The following PRC1 variants were observed in gnomAD, a reference collection of about 807,000 sequenced individuals.
PRC1 encodes the protein anaphase spindle elongation 1 homolog.
Under a neutral mutation model 91.2 loss-of-function variants are expected in PRC1, and 54 were observed. The ratio of observed to expected loss-of-function variants is 0.59; its 90% CI spans 0.48 to 0.74. The LOEUF (loss-of-function observed/expected upper bound fraction) is 0.74. Among genes scored for constraint, PRC1 ranks in the 30% least tolerant of loss-of-function variants. PRC1 has a pLI of 0.00. For missense variants in PRC1, 727 were observed against 746.2 expected, an observed-to-expected ratio of 0.97 and a Z score of 0.30; for synonymous variants, 275 against 263.6, an observed-to-expected ratio of 1.04 and a Z score of -0.42.
Position 90,974,469 on chromosome 15 carries a change from C to G in PRC1, c.1350+116G>C. Reference sequence around the variant, plus strand: ...AGCCCCGGTCCCCGGCTTCCCGTTCCACAAGCCCCGGTCCCCGGCTCCCTG... The same window carrying G: ...AGCCCCGGTCCCCGGCTTCCCGTTCGACAAGCCCCGGTCCCCGGCTCCCTG... On this transcript the variant is annotated intron_variant, in intron 10 of 14. Transcript: ENST00000394249. The surrounding 1 kb of genome is among the most constrained non-coding windows in gnomAD (Gnocchi z 4.6). 6.8e-7 allele frequency: 1 copy of G among 1,461,136 alleles called. No individual in the cohort carries two copies. The highest frequency in any genetic ancestry group is 2.3e-5 in the East Asian group (1 of 43,908). 90.5% of individuals were successfully genotyped at this position (1,461,136 alleles called of 1,614,324 possible).
At position 90,974,257 on chromosome 15, in the gene PRC1, G is replaced by C; in HGVS notation, c.1351-11C>G. On this transcript the variant is annotated splice_polypyrimidine_tract_variant and intron_variant, in intron 10 of 14. Coordinates refer to ENST00000394249, the MANE Select transcript of PRC1 (RefSeq NM_003981.4). This position sits in a 1 kb window ranked among gnomAD's most constrained non-coding sequence, Gnocchi z 4.6. Reference sequence around the variant, plus strand: ...TTTGTTCTTCAGTTGCTGTGTGAAAGTCAGAAGCAACAGTGATAAATCTCA... The same window carrying C: ...TTTGTTCTTCAGTTGCTGTGTGAAACTCAGAAGCAACAGTGATAAATCTCA... 1 of 1,601,514 alleles carries C rather than the reference G, an allele frequency of 6.2e-7. No individual in the cohort carries two copies. The highest frequency in any genetic ancestry group is 1.3e-5 in the African/African-American group (1 of 74,780).
intron 11 of PRC1, among the ~76,000 whole-genome samples, chr15:90,973,542 G>A (rs140720170): frequency 9.6e-4 from 146 of 152,066 alleles, no homozygotes; most frequent in African/African-American, 3.4e-3. Flanking sequence ...AGGAGGATTC[G>A]TAAAAGAGGA....
intron 1 of PRC1, among the ~76,000 whole-genome samples, chr15:90,985,169 C>A (rs2151575195): frequency 6.6e-6 from 1 of 151,874 alleles, no homozygotes; most frequent in Non-Finnish European, 1.5e-5. Context: ...CAAGAACTTG[C>A]TGGTGAGAAA....
intron 12 of PRC1, 81 bp downstream of exon 12, chr15:90,970,323 T>TC (rs1463397670): frequency 6.8e-6 from 7 of 1,031,748 alleles, no homozygotes; most frequent in Non-Finnish European, 1.0e-5. Flanking sequence ...GATCTTAGAA[T>TC]CTAGAACAAG....
At chr15:90,990,736 AT>A (rs2039930547) in intron 1 of PRC1, among the ~76,000 whole-genome samples, 1 of 152,162 alleles carries the variant, frequency 6.6e-6, no homozygotes, top group South Asian at 2.1e-4. Context: ...CAAAGCTGTT[AT>A]TAAAAACATC....
chr15:90,980,927 A>G lies in PRC1; in HGVS notation c.779T>C (p.Val260Ala). 3 of 1,614,166 alleles carry G rather than the reference A, an allele frequency of 1.9e-6. No individual in the cohort carries two copies. Among genetic ancestry groups the G allele is most frequent in the Non-Finnish European group, 2.5e-6 (3 of 1,180,026 alleles). ...CTTTGACCCAGACATAATGGTGGCC[A>G]CAGCTTCTCTTTCTTCTTCAGGTAT... is the stretch of plus-strand genomic sequence containing the variant. ...LQIPEEEREA[V>A]ATIMSGSKAK... is the part of the protein sequence containing the mutation. The change falls in exon 6 of 15, where the codon GTG becomes GCG. Residue 260 changes from valine to alanine, a missense_variant. By Grantham distance (64) the Val-to-Ala change is moderately conservative. Coordinates refer to ENST00000394249, the MANE Select transcript of PRC1 (RefSeq NM_003981.4).
rs2037540235 is a variant in PRC1 at position 90,966,892 on chromosome 15, G to C, written c.*239C>G. The C allele has an allele frequency of 1.8e-6, 1 of 556,056 alleles. No individual in the cohort carries two copies. Among genetic ancestry groups the C allele is most frequent in the African/African-American group, 1.9e-5 (1 of 52,866 alleles). 34.4% of individuals were successfully genotyped at this position (556,056 alleles called of 1,614,324 possible). A position where few individuals can be genotyped will look rare whatever the true frequency, so the allele number is the denominator to read the frequency against. ...AGTCAGGCCCCATATGCTAAAATTT[G>C]CACTTCTTGCCATAAACTTTTCATG... On this transcript the variant is annotated 3_prime_UTR_variant, in exon 15 of 15. Transcript: ENST00000394249.
chr15:90,977,090 G>A (rs1346964669), intron 8 of PRC1: 4 of 144,444 alleles, frequency 2.8e-5, no homozygotes, highest in African/African-American at 8.3e-5. Context: ...GCGCCACCGT[G>A]CTCCACCCCG....
Position 90,966,319 on chromosome 15 carries a change from T to G in PRC1, c.*812A>C, listed in dbSNP as rs1302302025. On this transcript the variant is annotated 3_prime_UTR_variant, in exon 15 of 15. Transcript: ENST00000394249. ...CAGGAACACCTCCCCAGTAGTGACA[T>G]GTGCAAAGTTCCAGATCTCCACGAC... The G allele has an allele frequency of 1.8e-5, 5 of 278,646 alleles. No homozygotes were observed. The highest frequency in any genetic ancestry group is 1.3e-4 in the South Asian group (4 of 31,278). 17.3% of individuals were successfully genotyped at this position (278,646 alleles called of 1,614,324 possible).
At chr15:90,989,990 G>A (rs560264419) in intron 1 of PRC1, among the ~76,000 whole-genome samples, 21 of 151,964 alleles carry the variant, frequency 1.4e-4, no homozygotes, top group South Asian at 6.2e-4. Flanking sequence ...CTGAGCCTCC[G>A]GAGTAGCTGG....
At chr15:90,978,187 T>C (rs905924781) in intron 8 of PRC1, among the ~76,000 whole-genome samples, 4 of 152,196 alleles carry the variant, frequency 2.6e-5, no homozygotes, top group African/African-American at 9.7e-5. Flanking sequence ...CCATGTTGCC[T>C]ATCAGAAGAA....
intron 1 of PRC1, among the ~76,000 whole-genome samples, chr15:90,985,253 C>T (rs920118203): frequency 6.6e-6 from 1 of 150,530 alleles, no homozygotes; most frequent in Non-Finnish European, 1.5e-5. Context: ...TTTTTTGAGA[C>T]AGCATCTTGC....
chr15:90,971,964 G>A (rs1049416396), intron 11 of PRC1, among the ~76,000 whole-genome samples: 3 of 151,952 alleles, frequency 2.0e-5, no homozygotes, highest in Non-Finnish European at 2.9e-5. Context: ...GGAGGTGTAG[G>A]TTGCAGTGAG....
At chr15:90,987,916 T>C (rs1421770059) in intron 1 of PRC1, 1 of 152,182 alleles carries the variant, frequency 6.6e-6, no homozygotes, top group East Asian at 1.9e-4. Flanking sequence ...AGTTTAGAGG[T>C]TGCCCGTCCT....
At chr15:90,989,981 T>C (rs1410985106) in intron 1 of PRC1, among the ~76,000 whole-genome samples, 2 of 152,224 alleles carry the variant, frequency 1.3e-5, no homozygotes, top group East Asian at 3.9e-4. Flanking sequence ...TCCTCCCACC[T>C]GAGCCTCCGG....
chr15:90,977,740 T>G (rs1376903695), intron 8 of PRC1, among the ~76,000 whole-genome samples: 1 of 151,958 alleles, frequency 6.6e-6, no homozygotes, highest in Non-Finnish European at 1.5e-5. Context: ...CCCGCCACCA[T>G]GCCCGGCTAA....
chr15:90,967,119 G>C lies in PRC1; in HGVS notation c.*12C>G. 3 of 1,610,708 alleles carry C rather than the reference G, an allele frequency of 1.9e-6. No homozygotes were observed. Among genetic ancestry groups the C allele is most frequent in the Non-Finnish European group, 2.5e-6 (3 of 1,176,834 alleles). On this transcript the variant is annotated 3_prime_UTR_variant, in exon 15 of 15. Coordinates refer to ENST00000394249, the MANE Select transcript of PRC1 (RefSeq NM_003981.4). ...CACAGGAAGCCACAGCTGGTTGACT[G>C]ATCAGGGCTTCTCAGGACTGGATGT...
chr15:90,984,949 A>C lies in PRC1; in HGVS notation c.12-124T>G, dbSNP rs1407964896. ...CTCGAGAAAAAAACAAATTGAAAACAAGCATTCAGCTTAATTCACCTTTAA... is the reference window on the plus strand; with the variant it reads ...CTCGAGAAAAAAACAAATTGAAAACCAGCATTCAGCTTAATTCACCTTTAA... On this transcript the variant is annotated intron_variant, in intron 1 of 14. Transcript: ENST00000394249. This position sits in a 1 kb window ranked among gnomAD's most constrained non-coding sequence, Gnocchi z 5.1. 8.1e-7 allele frequency: 1 copy of C among 1,240,824 alleles called. No individual in the cohort carries two copies. The highest frequency in any genetic ancestry group is 1.1e-6 in the Non-Finnish European group (1 of 893,938). 76.9% of individuals were successfully genotyped at this position (1,240,824 alleles called of 1,614,324 possible).
In PRC1 at chr15:90,974,899, G is replaced by C. The variant is rs771844824; in HGVS notation, c.1204-168C>G. On this transcript the variant is annotated intron_variant, in intron 9 of 14. Transcript: ENST00000394249. This position sits in a 1 kb window ranked among gnomAD's most constrained non-coding sequence, Gnocchi z 4.6. ...TCAGAGTGACCAGAAATCAAAGCCC[G>C]GAGACATTTCATTCACACAACACAC... Among the ~76,000 whole-genome samples the C allele has an allele frequency of 1.3e-5, 2 of 152,146 alleles. No individual in the cohort carries two copies. Among genetic ancestry groups the C allele is most frequent in the Non-Finnish European group, 2.9e-5 (2 of 68,046 alleles).
Sources: gnomAD v4.1 joint callset for allele counts (sites outside exome capture counted in the v4.1 genomes callset) on GRCh38, gnomAD v4.1.1 for gene constraint, Gnocchi (gnomAD v3.1) non-coding constraint, MANE v1.5 for transcripts, NCBI Gene and HGNC (gene_info 2026-07-23, HGNC 2026-07-21) for gene names.